The following FGF14 variants were observed in gnomAD, a reference collection of about 807,000 sequenced individuals.
The protein encoded by FGF14 is fibroblast growth factor 14.
In FGF14, 5 loss-of-function variants were observed where a neutral mutation model predicts 25.5. That is an observed-to-expected ratio of 0.20 (90% CI 0.10 to 0.41). The LOEUF (loss-of-function observed/expected upper bound fraction) is 0.41. Ranked by LOEUF, FGF14 falls within the 10% of genes least tolerant of loss-of-function variation. The probability of loss-of-function intolerance (pLI) is 1.00; values close to 1 mark genes in which losing one functional copy is unlikely to be tolerated. For missense variants in FGF14, 222 were observed against 320.1 expected (o/e 0.69, Z 2.34); for synonymous variants, 138 against 118.3 (o/e 1.17, Z -1.08).
chr13:102,088,761 G>A (rs57092265), intron 1 of FGF14, among the ~76,000 whole-genome samples: 11,206 of 151,992 alleles, frequency 0.074, 1,388 homozygotes, highest in African/African-American at 0.26. Context: ...AATTAAAAGA[G>A]ACACATGTTT....
At chr13:101,929,272 T>C (rs987211323) in intron 1 of FGF14, among the ~76,000 whole-genome samples, 1 of 152,124 alleles carries the variant, frequency 6.6e-6, no homozygotes, top group Non-Finnish European at 1.5e-5. Flanking sequence ...ATGGAAACAG[T>C]AACACCTGGA....
rs192985741 is a variant in FGF14, at chr13:102,052,839, G to C, written c.209-177543C>G. On this transcript the variant is annotated intron_variant, in intron 1 of 4. Coordinates refer to the FGF14 transcript ENST00000376131. ...ATGAGTAACACAAAAACATCTGAAA[G>C]TACAGAACTCATAAATAAAAGTAAG... Among the ~76,000 whole-genome samples the C allele has an allele frequency of 1.8e-4, 27 of 152,186 alleles. No individual in the cohort carries two copies. The East Asian group carries it at 5.2e-3, about 29-fold the overall frequency.
intron 1 of FGF14, among the ~76,000 whole-genome samples, chr13:102,026,017 G>T (rs1380769546): frequency 6.6e-6 from 1 of 151,910 alleles, no homozygotes; most frequent in African/African-American, 2.4e-5. Context: ...AGACATTTTT[G>T]TCTTATTCCT....
chr13:102,349,366 T>A (rs1374289888), intron 1 of FGF14, among the ~76,000 whole-genome samples: 1 of 152,174 alleles, frequency 6.6e-6, no homozygotes, highest in Non-Finnish European at 1.5e-5. Context: ...TAGGCTCAAT[T>A]TAATTACATG....
chr13:102,134,216 A>T (rs2046316505), intron 1 of FGF14, among the ~76,000 whole-genome samples: 1 of 152,130 alleles, frequency 6.6e-6, no homozygotes, highest in South Asian at 2.1e-4. Flanking sequence ...AAAGCCTGTG[A>T]GAGAGAAGTG....
chr13:102,340,756 A>C (rs2056926640), intron 1 of FGF14, among the ~76,000 whole-genome samples: 1 of 152,212 alleles, frequency 6.6e-6, no homozygotes, highest in Admixed American at 6.5e-5. Context: ...GCTAAAGGCA[A>C]GGTAATCAGT....
intron 1 of FGF14, among the ~76,000 whole-genome samples, chr13:102,216,948 T>C (rs1302574569): frequency 6.6e-6 from 1 of 152,198 alleles, no homozygotes; most frequent in Non-Finnish European, 1.5e-5. Flanking sequence ...TAACATAATG[T>C]CCTCCAAGGT....
At position 101,720,554 on chromosome 13, in the gene FGF14, GTGTGTGTGTGTA is replaced by G. The variant is rs1390949203; in HGVS notation, c.*2265_*2276del. 1.3e-5 allele frequency: 2 copies of G among 150,844 alleles called. No homozygotes were observed. Among genetic ancestry groups the G allele is most frequent in the African/African-American group, 2.5e-5 (1 of 40,614 alleles). 9.3% of individuals were successfully genotyped at this position (150,844 alleles called of 1,614,324 possible). A position where few individuals can be genotyped will look rare whatever the true frequency, so the allele number is the denominator to read the frequency against. ...TCTGTGTGTGTGTGTGTGTGTGTGT[GTGTGTGTGTGTA>G]TATGTGTGTGTTTGTGTGAAGTGAA... On this transcript the variant is annotated 3_prime_UTR_variant, in exon 5 of 5. Transcript: ENST00000376143.
intron 3 of FGF14, among the ~76,000 whole-genome samples, chr13:101,754,150 G>A (rs1233736190): frequency 6.6e-6 from 1 of 152,100 alleles, no homozygotes; most frequent in Non-Finnish European, 1.5e-5. Flanking sequence ...TGTCTCCTAG[G>A]CTGTTTCTCT....
In FGF14 at chr13:102,028,878, T is replaced by A. The variant is rs73565772; in HGVS notation, c.209-153582A>T. 3.2e-3 allele frequency among the ~76,000 whole-genome samples: 490 copies of A among 152,200 alleles called. 1 individual carries two copies. Among genetic ancestry groups the A allele is most frequent in the African/African-American group, 0.011 (472 of 41,560 alleles). On this transcript the variant is annotated intron_variant, in intron 1 of 4. Transcript: ENST00000376131. Reference sequence around the variant, plus strand: ...TGACTGTTAATCTTGTGTATGGCATTCACGTCTCTCCTGAGCTTTGCAAGT... The same window carrying A: ...TGACTGTTAATCTTGTGTATGGCATACACGTCTCTCCTGAGCTTTGCAAGT...
At chr13:102,038,537 T>C in intron 1 of FGF14, among the ~76,000 whole-genome samples, 1 of 152,190 alleles carries the variant, frequency 6.6e-6, no homozygotes, top group East Asian at 1.9e-4. Context: ...TTCACATTCA[T>C]CATGAATAAC....
At chr13:102,265,278 C>G (rs1461560399) in intron 1 of FGF14, among the ~76,000 whole-genome samples, 1 of 152,090 alleles carries the variant, frequency 6.6e-6, no homozygotes, top group East Asian at 1.9e-4. Flanking sequence ...ATACCCATTT[C>G]TGCTTTGCAA....
chr13:102,059,267 T>G (rs2042570545), intron 1 of FGF14, among the ~76,000 whole-genome samples: 1 of 152,192 alleles, frequency 6.6e-6, no homozygotes, highest in Non-Finnish European at 1.5e-5. Context: ...AGAACAATAC[T>G]ACCAAGTGTG....
intron 1 of FGF14, among the ~76,000 whole-genome samples, chr13:102,364,450 T>G (rs2057653021): frequency 6.6e-6 from 1 of 152,216 alleles, no homozygotes; most frequent in Non-Finnish European, 1.5e-5. Flanking sequence ...TTCTACAGAC[T>G]GAGTTTGTTC....
chr13:101,933,029 A>C (rs2034869503), intron 1 of FGF14, among the ~76,000 whole-genome samples: 1 of 152,168 alleles, frequency 6.6e-6, no homozygotes, highest in Non-Finnish European at 1.5e-5. Flanking sequence ...TATTTTTGTC[A>C]TAATTTTTCA....
intron 1 of FGF14, among the ~76,000 whole-genome samples, chr13:102,231,307 T>A (rs182958751): frequency 5.3e-4 from 80 of 152,332 alleles, no homozygotes; most frequent in African/African-American, 1.8e-3. Context: ...TGCATTTTGA[T>A]CCGTTTATGT....
intron 1 of FGF14, among the ~76,000 whole-genome samples, chr13:102,254,540 C>T (rs1253397277): frequency 1.3e-5 from 2 of 152,148 alleles, no homozygotes; most frequent in Non-Finnish European, 2.9e-5. Context: ...TGGCCAGAAG[C>T]CCCTAGAAGA....
rs541554893 is a variant in FGF14, at chr13:102,145,715, C to T, written c.208+255756G>A. On this transcript the variant is annotated intron_variant, in intron 1 of 4. Coordinates refer to the FGF14 transcript ENST00000376131. ...CCTTTTCCCCAACAGCTATGTTAGG[C>T]CCCCAAACCACCTTAGGAAATATCA... Among the ~76,000 whole-genome samples, 5 of 152,174 alleles carry T rather than the reference C, an allele frequency of 3.3e-5. No homozygotes were observed. In the East Asian group the frequency reaches 9.7e-4, roughly 29 times the overall value.
intron 1 of FGF14, among the ~76,000 whole-genome samples, chr13:102,294,297 T>C (rs907639302): frequency 6.6e-6 from 1 of 152,140 alleles, no homozygotes; most frequent in East Asian, 1.9e-4. Context: ...TTTTCTCCAT[T>C]GCTTAATCTT....
Sources: allele counts gnomAD v4.1 joint callset (sites outside exome capture counted in the v4.1 genomes callset), GRCh38; gene constraint gnomAD v4.1.1; transcripts MANE v1.5; gene names NCBI Gene and HGNC (gene_info 2026-07-23, HGNC 2026-07-21).